The following ANKRD33B variants were observed in gnomAD, a reference collection of about 807,000 sequenced individuals.
ANKRD33B encodes the protein ankyrin repeat domain-containing protein 33B.
Under a neutral mutation model 21.5 loss-of-function variants are expected in ANKRD33B, and 6 were observed. The observed-to-expected ratio is 0.28, with a 90% confidence interval of 0.15 to 0.55. The LOEUF (loss-of-function observed/expected upper bound fraction) is 0.55, where lower values mean the gene tolerates loss of function less well. Ranked by LOEUF, ANKRD33B falls within the 20% of genes least tolerant of loss-of-function variation. ANKRD33B has a pLI of 0.94. For missense variants in ANKRD33B, 698 were observed against 747.2 expected (o/e 0.93, Z 0.77); for synonymous variants, 347 against 342.4 (o/e 1.01, Z -0.15).
At chr5:10,583,544 G>A (rs548481249) in intron 1 of ANKRD33B, among the ~76,000 whole-genome samples, 2 of 152,150 alleles carry the variant, frequency 1.3e-5, no homozygotes, top group African/African-American at 4.8e-5. Context: ...GACATTGCCA[G>A]TTTCTCCTGT....
At chr5:10,592,338 C>G (rs62339273) in intron 1 of ANKRD33B, among the ~76,000 whole-genome samples, 2 of 151,242 alleles carry the variant, frequency 1.3e-5, no homozygotes, top group East Asian at 3.9e-4. Context: ...TGGCTGGGCG[C>G]GGTGGCGCCC....
At chr5:10,604,510 GAA>G (rs555653693) in intron 1 of ANKRD33B, among the ~76,000 whole-genome samples, 3 of 101,922 alleles carry the variant, frequency 2.9e-5, no homozygotes, top group Non-Finnish European at 6.2e-5. Context: ...GAACCTTTTT[GAA>G]AAAAAAAAAA....
Position 10,649,482 on chromosome 5 carries a change from A to G in ANKRD33B, c.854A>G (p.Asp285Gly), listed in dbSNP as rs1291026469. The change falls in exon 4 of 4, where the codon GAC becomes GGC. Residue 285 changes from aspartate (D) to glycine (G), a missense_variant. By Grantham distance (94) the Asp-to-Gly change is moderately conservative (BLOSUM62 -1). Around this residue, in one of 3 missense-constraint regions of ANKRD33B, gnomAD observed 543 missense variants for 566.5 expected, o/e 0.96. Coordinates refer to ENST00000296657, the MANE Select transcript of ANKRD33B (RefSeq NM_001164440.2). ...AAGAACTGCCTGCAGAGGCTCACAGACTGCGTGCTGTCCGTGCTGACGCCG... is the reference window on the plus strand; with the variant it reads ...AAGAACTGCCTGCAGAGGCTCACAGGCTGCGTGCTGTCCGTGCTGACGCCG... ...GSKNCLQRLT[D>G]CVLSVLTPRS... The G allele has an allele frequency of 1.3e-6, 2 of 1,535,208 alleles. No individual in the cohort carries two copies. The highest frequency in any genetic ancestry group is 2.0e-5 in the Admixed American group (1 of 50,980).
chr5:10,573,762 C>A (rs1477271172), intron 1 of ANKRD33B, among the ~76,000 whole-genome samples: 1 of 152,186 alleles, frequency 6.6e-6, no homozygotes. Flanking sequence ...AACTCACTAT[C>A]ATGAGAACAG....
chr5:10,649,672 G>T lies in ANKRD33B; in HGVS notation c.1044G>T (p.Ala348=). The T allele has an allele frequency of 6.5e-7, 1 of 1,528,340 alleles. No individual in the cohort carries two copies. Among genetic ancestry groups the T allele is most frequent in the Non-Finnish European group, 8.7e-7 (1 of 1,143,296 alleles). The allele number at this position is 1,528,340 out of a possible 1,614,324, so 94.7% of individuals were successfully genotyped here. The part of the protein sequence containing the change: ...RRLAVQEILA[A]RAARGPQAQE... The stretch of plus-strand genomic sequence containing the variant: ...TGGCGGTGCAGGAGATCCTGGCGGC[G>T]CGGGCTGCACGGGGCCCCCAGGCGC... The change falls in exon 4 of 4, where the codon GCG becomes GCT. Residue 348 remains alanine, a synonymous_variant. Transcript: ENST00000296657.
rs1017924992 is a variant in ANKRD33B, at chr5:10,650,023, G to A, written c.1395G>A (p.Glu465=). 1 of 1,533,180 alleles carries A rather than the reference G, an allele frequency of 6.5e-7. No individual in the cohort carries two copies. The highest frequency in any genetic ancestry group is 8.7e-7 in the Non-Finnish European group (1 of 1,144,608). The allele number at this position is 1,533,180 out of a possible 1,614,324, so 95.0% of individuals were successfully genotyped here. A position where few individuals can be genotyped will look rare whatever the true frequency, so the allele number is the denominator to read the frequency against. The change falls in exon 4 of 4, where the codon GAG becomes GAA. Residue 465 remains glutamate, a synonymous_variant. Transcript: ENST00000296657. ...AGTGGCGGTACAAGGAGGCCAAGGA[G>A]GAGAAGAGGAAGGCAGAGGAGGCCG... ...IPKWRYKEAK[E]EKRKAEEAEK...
rs1428943920 is a variant in ANKRD33B, at chr5:10,657,052, G to C, written c.*6939G>C. 1 of 152,238 alleles carries C rather than the reference G, an allele frequency of 6.6e-6. No homozygotes were observed. Among genetic ancestry groups the C allele is most frequent in the Non-Finnish European group, 1.5e-5 (1 of 68,030 alleles). 9.4% of individuals were successfully genotyped at this position (152,238 alleles called of 1,614,324 possible). A position where few individuals can be genotyped will look rare whatever the true frequency, so the allele number is the denominator to read the frequency against. ...TGGCCTGATGCTTTAAGAAGTTTGA[G>C]GAGGTAGGTATGGAGGCACCTTAAC... On this transcript the variant is annotated 3_prime_UTR_variant, in exon 4 of 4. Coordinates refer to ENST00000296657, the MANE Select transcript of ANKRD33B (RefSeq NM_001164440.2).
Position 10,593,299 on chromosome 5 carries a change from CT to C in ANKRD33B, c.367-25026del, listed in dbSNP as rs570562077. On this transcript the variant is annotated intron_variant, in intron 1 of 3. Transcript: ENST00000296657. ...CAGATAATATATTTTGCTCTGTTTA[CT>C]TTTTTTTAAAGCATTAGCTATTAAC... 3.4e-4 allele frequency among the ~76,000 whole-genome samples: 51 copies of C among 151,942 alleles called. 1 individual carries two copies. In the East Asian group the frequency reaches 6.4e-3, roughly 19 times the overall value.
At chr5:10,610,670 C>T (rs759304246) in intron 1 of ANKRD33B, among the ~76,000 whole-genome samples, 27 of 152,312 alleles carry the variant, frequency 1.8e-4, no homozygotes, top group Non-Finnish European at 3.4e-4. Flanking sequence ...TCCAGCACTG[C>T]GTGAATAAAC....
At chr5:10,578,117 G>A (rs74460625) in intron 1 of ANKRD33B, among the ~76,000 whole-genome samples, 2 of 152,234 alleles carry the variant, frequency 1.3e-5, no homozygotes, top group East Asian at 1.9e-4. Flanking sequence ...ACTGTGATGG[G>A]TGGAAGGCCA....
At chr5:10,648,634 C>T (rs1221554110) in intron 3 of ANKRD33B, among the ~76,000 whole-genome samples, 2 of 152,204 alleles carry the variant, frequency 1.3e-5, no homozygotes, top group African/African-American at 4.8e-5. Context: ...TAGCACATGC[C>T]TGTAATCCCA....
chr5:10,646,914 G>A (rs1277296769), intron 3 of ANKRD33B, among the ~76,000 whole-genome samples: 1 of 152,202 alleles, frequency 6.6e-6, no homozygotes, highest in East Asian at 1.9e-4. Context: ...GCAGTGGCTG[G>A]GGACCCGACC....
In ANKRD33B at chr5:10,641,801, T is replaced by TA. The variant is rs112089497; in HGVS notation, c.637+3644dup. On this transcript the variant is annotated intron_variant, in intron 3 of 3. Transcript: ENST00000296657. ...TCAAAGATGAAAACTTTCTTGGAAA[T>TA]AAAAAAAAAAACATAATTAAAAACG... is the stretch of plus-strand genomic sequence containing the variant. Among the ~76,000 whole-genome samples, 349 of 148,862 alleles carry TA rather than the reference T, an allele frequency of 2.3e-3. 1 individual carries two copies. Among genetic ancestry groups the TA allele is most frequent in the Middle Eastern group, 6.9e-3 (2 of 290 alleles).
At chr5:10,606,207 T>C (rs12187105) in intron 1 of ANKRD33B, among the ~76,000 whole-genome samples, 11,420 of 152,270 alleles carry the variant, frequency 0.075, 570 homozygotes, top group Non-Finnish European at 0.11. Flanking sequence ...AGGTTTGCAG[T>C]GATAATAAGA....
At chr5:10,612,587 G>A (rs534026060) in intron 1 of ANKRD33B, among the ~76,000 whole-genome samples, 43 of 152,222 alleles carry the variant, frequency 2.8e-4, no homozygotes, top group Non-Finnish European at 4.3e-4. Context: ...CACGCTGCCC[G>A]AGTATTCTTG....
chr5:10,574,322 C>G (rs1735268558), intron 1 of ANKRD33B, among the ~76,000 whole-genome samples: 1 of 152,168 alleles, frequency 6.6e-6, no homozygotes, highest in Non-Finnish European at 1.5e-5. Context: ...GAATTATTAG[C>G]CCAGTAGGCT....
chr5:10,649,408 G>A lies in ANKRD33B; in HGVS notation c.780G>A (p.Arg260=), dbSNP rs1266898753. The A allele has an allele frequency of 2.6e-6, 4 of 1,535,324 alleles. No individual in the cohort carries two copies. The highest frequency in any genetic ancestry group is 3.5e-6 in the Non-Finnish European group (4 of 1,146,602). Residue 260 remains arginine (R), a synonymous_variant, in exon 4 of 4, where the codon CGG becomes CGA. Coordinates refer to ENST00000296657, the MANE Select transcript of ANKRD33B (RefSeq NM_001164440.2). The stretch of plus-strand genomic sequence containing the variant: ...CGGAGCAGTTCTGGGAGAAGTACCG[G>A]CCCGAGCTGCCGCCGCCCCCTGAAG... ...PCPEQFWEKY[R]PELPPPPEAA...
intron 1 of ANKRD33B, among the ~76,000 whole-genome samples, chr5:10,582,478 C>G (rs989933671): frequency 5.3e-5 from 8 of 152,252 alleles, no homozygotes; most frequent in African/African-American, 1.9e-4. Context: ...CCTGGAGTCT[C>G]TCACCAGTCT....
rs1228691797 is a variant in ANKRD33B, at chr5:10,650,510, C to T, written c.*397C>T. 6.4e-6 allele frequency: 1 copy of T among 155,140 alleles called. No individual in the cohort carries two copies. The highest frequency in any genetic ancestry group is 2.4e-5 in the African/African-American group (1 of 41,568). The allele number at this position is 155,140 out of a possible 1,614,324, so 9.6% of individuals were successfully genotyped here. ...CCTTATATCCAAGGCAGTTTTAATACACTTGCCTGAAGACCTTTTGTTTAA... is the reference window on the plus strand; with the variant it reads ...CCTTATATCCAAGGCAGTTTTAATATACTTGCCTGAAGACCTTTTGTTTAA... On this transcript the variant is annotated 3_prime_UTR_variant, in exon 4 of 4. Coordinates refer to ENST00000296657, the MANE Select transcript of ANKRD33B (RefSeq NM_001164440.2).
Sources: allele counts gnomAD v4.1 joint callset (sites outside exome capture counted in the v4.1 genomes callset), GRCh38; gene constraint gnomAD v4.1.1; regional missense constraint gnomAD v4.1.1; transcripts MANE v1.5; gene names NCBI Gene and HGNC (gene_info 2026-07-23, HGNC 2026-07-21).